The following TES variants were observed in gnomAD, a reference collection of about 807,000 sequenced individuals.
The protein encoded by TES is testin LIM domain protein.
A neutral mutation model predicts 48.2 loss-of-function variants in TES; 41 were observed. The observed-to-expected ratio is 0.85, with a 90% CI of 0.66 to 1.10. The LOEUF is 1.10. Among genes scored for constraint, TES ranks in the 50% least tolerant of loss-of-function variants. TES has a pLI of 0.00. For synonymous variants in TES, 162 were observed against 174.9 expected (o/e 0.93, Z 0.58); for missense variants, 463 against 515.1 (o/e 0.90, Z 0.98).
chr7:116,214,411 C>G (rs1034521765), intron 1 of TES, among the ~76,000 whole-genome samples: 1 of 152,148 alleles, frequency 6.6e-6, no homozygotes, highest in South Asian at 2.1e-4. Context: ...CTCAAATCTA[C>G]AATTGCATTC....
Position 116,221,402 on chromosome 7 carries a change from T to C in TES, c.27+10668T>C, listed in dbSNP as rs191789191. ...GGAATCTTCCTCAGAGTTTCTGAGGTAAATTACAGAAATGGTTACTATTCT... is the reference window on the plus strand; with the variant it reads ...GGAATCTTCCTCAGAGTTTCTGAGGCAAATTACAGAAATGGTTACTATTCT... On this transcript the variant is annotated intron_variant, in intron 1 of 6. Transcript: ENST00000358204. Among the ~76,000 whole-genome samples, 71 of 152,190 alleles carry C rather than the reference T, an allele frequency of 4.7e-4. 1 individual carries two copies. The highest frequency in any genetic ancestry group is 7.4e-5 in the Non-Finnish European group (5 of 67,990).
chr7:116,256,695 A>G (rs1443691366), intron 6 of TES, among the ~76,000 whole-genome samples: 2 of 152,254 alleles, frequency 1.3e-5, no homozygotes, highest in Non-Finnish European at 1.5e-5. Context: ...TTAATGTTCT[A>G]CAATATTAGA....
intron 2 of TES, among the ~76,000 whole-genome samples, chr7:116,239,470 T>C (rs1246036668): frequency 6.6e-6 from 1 of 152,230 alleles, no homozygotes; most frequent in East Asian, 1.9e-4. Context: ...GTATGAGAAA[T>C]CAAAGACGTA....
chr7:116,251,625 A>C, intron 4 of TES, 135 bp from the exon 5 acceptor site: 1 of 796,236 alleles, frequency 1.3e-6, no homozygotes, highest in South Asian at 1.7e-5. Flanking sequence ...GGAGCTTGCA[A>C]TGAGCCGAGA....
chr7:116,243,694 TAATA>T (rs1232433856), intron 2 of TES: 1 of 152,198 alleles, frequency 6.6e-6, no homozygotes, highest in Non-Finnish European at 1.5e-5. Flanking sequence ...TATACTATCT[TAATA>T]AATTATATTC....
intron 4 of TES, 149 bp downstream of exon 4, chr7:116,250,645 TC>T: frequency 1.6e-6 from 1 of 630,642 alleles, no homozygotes; most frequent in Non-Finnish European, 2.4e-6. Context: ...AGTTTAGACT[TC>T]CCACAGAGGG....
Position 116,257,977 on chromosome 7 carries a change from A to T in TES, c.*495A>T, listed in dbSNP as rs1354653247. 6.5e-6 allele frequency: 1 copy of T among 153,348 alleles called. No individual in the cohort carries two copies. The highest frequency in any genetic ancestry group is 1.5e-5 in the Non-Finnish European group (1 of 68,792). The allele number at this position is 153,348 out of a possible 1,614,324, so 9.5% of individuals were successfully genotyped here. A position where few individuals can be genotyped will look rare whatever the true frequency, so the allele number is the denominator to read the frequency against. On this transcript the variant is annotated 3_prime_UTR_variant, in exon 7 of 7. Transcript: ENST00000358204. ...AGTGAATTCTTTTTGACAAAGAGAA[A>T]TGCAGTGTAGTATGCAGAGCTGCTG...
intron 6 of TES, among the ~76,000 whole-genome samples, chr7:116,255,471 T>C (rs964553833): frequency 2.6e-4 from 39 of 152,344 alleles, no homozygotes; most frequent in African/African-American, 9.4e-4. Context: ...TGAATGGTAA[T>C]CAAATTATTA....
intron 4 of TES, 88 bp downstream of exon 4, chr7:116,250,584 T>G: frequency 9.6e-7 from 1 of 1,038,774 alleles, no homozygotes. Flanking sequence ...GGACTATTCC[T>G]CTGAGTTTCC....
chr7:116,231,897 C>T (rs1799705463), intron 1 of TES, among the ~76,000 whole-genome samples: 1 of 151,940 alleles, frequency 6.6e-6, no homozygotes, highest in Non-Finnish European at 1.5e-5. Context: ...TTTGGAATGA[C>T]CTTGGCCAAG....
chr7:116,229,369 A>G (rs1174379874), intron 1 of TES, among the ~76,000 whole-genome samples: 1 of 152,138 alleles, frequency 6.6e-6, no homozygotes, highest in Non-Finnish European at 1.5e-5. Flanking sequence ...GAAGAACACT[A>G]AGGAGAAGGT....
At chr7:116,229,236 C>T (rs1223135345) in intron 1 of TES, among the ~76,000 whole-genome samples, 1 of 151,900 alleles carries the variant, frequency 6.6e-6, no homozygotes, top group African/African-American at 2.4e-5. Context: ...AACACCTTCC[C>T]TATTTATATC....
intron 2 of TES, among the ~76,000 whole-genome samples, chr7:116,238,756 C>T (rs7803080): frequency 0.2 from 30,517 of 151,772 alleles, 3,410 homozygotes; most frequent in East Asian, 0.43. Context: ...CCCGCCACCA[C>T]GCCCAGCTAA....
Position 116,257,713 on chromosome 7 carries a change from A to G in TES, c.*231A>G, listed in dbSNP as rs992830427. The stretch of plus-strand genomic sequence containing the variant: ...AAACAGTAAATAATTGTATCTTTCC[A>G]TAGCTTTTCAAATGTGAAATCATTT... On this transcript the variant is annotated 3_prime_UTR_variant, in exon 7 of 7. Transcript: ENST00000358204. 8 of 351,226 alleles carry G rather than the reference A, an allele frequency of 2.3e-5. No individual in the cohort carries two copies. Among genetic ancestry groups the G allele is most frequent in the South Asian group, 6.1e-5 (1 of 16,386 alleles). 21.8% of individuals were successfully genotyped at this position (351,226 alleles called of 1,614,324 possible).
At chr7:116,234,723 G>A in intron 2 of TES, 104 bp downstream of exon 2, 2 of 885,622 alleles carry the variant, frequency 2.3e-6, no homozygotes, top group Non-Finnish European at 3.7e-6. Flanking sequence ...TTGCTAAGTT[G>A]CAGACCTGTT....
intron 2 of TES, among the ~76,000 whole-genome samples, chr7:116,242,507 ATCTC>A (rs60510276): frequency 0.24 from 34,310 of 141,742 alleles, 3,778 homozygotes; most frequent in South Asian, 0.26. Context: ...TTCACCACCT[ATCTC>A]TCTCTCTCTC....
At chr7:116,248,818 T>C (rs1451632177) in intron 2 of TES, among the ~76,000 whole-genome samples, 2 of 152,134 alleles carry the variant, frequency 1.3e-5, no homozygotes, top group East Asian at 3.9e-4. Flanking sequence ...ACCTAGCTTT[T>C]AAAAGCCTTA....
chr7:116,242,507 A>ATCTCTCTC (rs60510276), intron 2 of TES, among the ~76,000 whole-genome samples: 1 of 141,858 alleles, frequency 7.0e-6, no homozygotes, highest in African/African-American at 2.6e-5. Flanking sequence ...TTCACCACCT[A>ATCTCTCTC]TCTCTCTCTC....
chr7:116,235,325 AAT>A (rs938194206), intron 2 of TES, among the ~76,000 whole-genome samples: 2 of 152,196 alleles, frequency 1.3e-5, no homozygotes, highest in African/African-American at 4.8e-5. Context: ...TCCGTAAACA[AAT>A]ATGAATACTG....
Sources: allele counts gnomAD v4.1 joint callset (sites outside exome capture counted in the v4.1 genomes callset), GRCh38; gene constraint gnomAD v4.1.1; transcripts MANE v1.5; gene names NCBI Gene and HGNC (gene_info 2026-07-23, HGNC 2026-07-21).